RNF216: variants seen among roughly 807,000 people sequenced by gnomAD.
RNF216 encodes ring finger protein 216, also known as E3 ubiquitin-protein ligase RNF216.
RNF216 carries 72 observed loss-of-function variants against 110.8 expected under a neutral mutation model. That is an observed-to-expected ratio of 0.65 (90% CI 0.54 to 0.79). The LOEUF (loss-of-function observed/expected upper bound fraction) is 0.79. Among genes scored for constraint, RNF216 ranks in the 30% least tolerant of loss-of-function variants. RNF216 has a pLI of 0.00. For missense variants in RNF216, 1,342 were observed against 1,141.2 expected, an observed-to-expected ratio of 1.18 and a Z score of -2.54; for synonymous variants, 495 against 407.5, an observed-to-expected ratio of 1.21 and a Z score of -2.59.
chr7:5,736,465 C>T (rs547417182), intron 5 of RNF216, among the ~76,000 whole-genome samples: 5 of 152,312 alleles, frequency 3.3e-5, no homozygotes, highest in South Asian at 2.1e-4. Context: ...GATCTCGGCT[C>T]GCTACAACCT....
intron 3 of RNF216, among the ~76,000 whole-genome samples, chr7:5,745,180 G>A (rs1193710180): frequency 6.6e-6 from 1 of 151,956 alleles, no homozygotes; most frequent in Non-Finnish European, 1.5e-5. Flanking sequence ...ACAACCAAGG[G>A]GAGTCTTTTC....
intron 13 of RNF216, among the ~76,000 whole-genome samples, chr7:5,665,992 C>T (rs1389735560): frequency 5.9e-5 from 9 of 151,950 alleles, no homozygotes; most frequent in South Asian, 4.2e-4. Flanking sequence ...GGTGAAACCC[C>T]GTTTCTACTA....
intron 1 of RNF216, among the ~76,000 whole-genome samples, chr7:5,767,495 T>C (rs1488225535): frequency 6.6e-6 from 1 of 151,956 alleles, no homozygotes; most frequent in Non-Finnish European, 1.5e-5. Flanking sequence ...CCCCACCAAG[T>C]TGTTAACCTA....
chr7:5,766,194 G>A (rs1796199714), intron 1 of RNF216, among the ~76,000 whole-genome samples: 1 of 152,052 alleles, frequency 6.6e-6, no homozygotes, highest in Admixed American at 6.6e-5. Flanking sequence ...GGAGTCTGAA[G>A]CAGGAGGATC....
intron 6 of RNF216, among the ~76,000 whole-genome samples, chr7:5,730,358 T>C (rs937964127): frequency 6.6e-6 from 1 of 152,238 alleles, no homozygotes; most frequent in Non-Finnish European, 1.5e-5. Context: ...TCAATTTTTC[T>C]GTAGGTTTGA....
intron 3 of RNF216, among the ~76,000 whole-genome samples, chr7:5,751,827 T>TA (rs3075700): frequency 1.6e-4 from 6 of 37,296 alleles, no homozygotes; most frequent in Non-Finnish European, 1.7e-4. Context: ...ATCTTTAAAC[T>TA]AAAAAAAAAA....
intron 15 of RNF216, among the ~76,000 whole-genome samples, chr7:5,639,370 T>C (rs1457744718): frequency 6.6e-6 from 1 of 152,164 alleles, no homozygotes; most frequent in East Asian, 1.9e-4. Flanking sequence ...TGTTCATCTC[T>C]GTACTTACAC....
In RNF216 at chr7:5,741,676, C is replaced by T. The variant is rs770191039; in HGVS notation, c.341G>A (p.Cys114Tyr). 6 of 1,614,058 alleles carry T rather than the reference C, an allele frequency of 3.7e-6. No homozygotes were observed. The African/African-American group carries it at 5.3e-5, about 14-fold the overall frequency. ...ESDKSSYFSVCNNPLFDSGAQ... is the reference protein window; with the variant it reads ...ESDKSSYFSVYNNPLFDSGAQ... The stretch of plus-strand genomic sequence containing the variant: ...CCCAGAATCAAACAATGGGTTGTTA[C>T]ACACTGAAAAATAGCTGCTCTTATC... Residue 114 changes from cysteine (C) to tyrosine (Y), a missense_variant, in exon 4 of 17, where the codon TGT (cysteine) becomes TAT (tyrosine). Physicochemically the swap from Cys to Tyr is radical, Grantham distance 194. Coordinates refer to ENST00000389902, the MANE Select transcript of RNF216 (RefSeq NM_207111.4).
intron 3 of RNF216, among the ~76,000 whole-genome samples, chr7:5,750,526 C>T (rs4724721): frequency 0.98 from 149,090 of 152,362 alleles, 72,961 homozygotes; most frequent in Middle Eastern, 0.99. Flanking sequence ...GCACTGTTCA[C>T]TGAGTTTTTA....
chr7:5,761,243 A>G, intron 1 of RNF216, 105 bp from the exon 2 acceptor site: 1 of 467,430 alleles, frequency 2.1e-6, no homozygotes, highest in Admixed American at 4.4e-5. Flanking sequence ...AACATTCCTT[A>G]AGAAAACATA....
At chr7:5,694,905 G>A (rs1393480577) in intron 13 of RNF216, among the ~76,000 whole-genome samples, 3 of 152,166 alleles carry the variant, frequency 2.0e-5, no homozygotes, top group East Asian at 1.9e-4. Context: ...AAGGACCCAA[G>A]CATTTTATAG....
At chr7:5,638,094 C>T (rs779670847) in intron 15 of RNF216, among the ~76,000 whole-genome samples, 6 of 152,156 alleles carry the variant, frequency 3.9e-5, no homozygotes, top group Non-Finnish European at 8.8e-5. Flanking sequence ...TAGACCCAGA[C>T]GTCTGGATGC....
At chr7:5,678,424 A>C (rs2128603022) in intron 13 of RNF216, among the ~76,000 whole-genome samples, 1 of 151,882 alleles carries the variant, frequency 6.6e-6, no homozygotes, top group South Asian at 2.1e-4. Flanking sequence ...CTACGTTACC[A>C]CCTCCCCAAG....
At chr7:5,758,123 A>G (rs544409242) in intron 2 of RNF216, among the ~76,000 whole-genome samples, 10 of 152,386 alleles carry the variant, frequency 6.6e-5, no homozygotes, top group African/African-American at 2.4e-4. Context: ...TAATTTTCCA[A>G]AATGAATTAG....
At chr7:5,710,108 C>A (rs1226137646) in intron 13 of RNF216, among the ~76,000 whole-genome samples, 3 of 152,174 alleles carry the variant, frequency 2.0e-5, no homozygotes, top group African/African-American at 7.2e-5. Flanking sequence ...ACCTGTAATA[C>A]CAGCACTTTG....
chr7:5,695,755 C>T (rs61163807), intron 13 of RNF216, among the ~76,000 whole-genome samples: 1 of 152,200 alleles, frequency 6.6e-6, no homozygotes, highest in Middle Eastern at 3.2e-3. Context: ...AAAAGCAAAA[C>T]CCCTGGTCAA....
chr7:5,715,293 A>G, intron 10 of RNF216, 103 bp from the exon 11 acceptor site: 1 of 1,226,738 alleles, frequency 8.2e-7, no homozygotes, highest in Middle Eastern at 2.6e-4. Context: ...ACAAATTCTG[A>G]GGTAAAGCAA....
intron 13 of RNF216, among the ~76,000 whole-genome samples, chr7:5,699,018 AG>A (rs1418488037): frequency 1.3e-5 from 2 of 152,226 alleles, no homozygotes; most frequent in Non-Finnish European, 2.9e-5. Flanking sequence ...CACTGAAGAC[AG>A]CTAGAGTTTT....
chr7:5,712,639 C>T lies in RNF216; in HGVS notation c.1982+76G>A, dbSNP rs944787479. The T allele has an allele frequency of 5.0e-6, 7 of 1,401,740 alleles. No homozygotes were observed. In the East Asian group the frequency reaches 9.3e-5, roughly 19 times the overall value. The allele number at this position is 1,401,740 out of a possible 1,614,324, so 86.8% of individuals were successfully genotyped here. A position where few individuals can be genotyped will look rare whatever the true frequency, so the allele number is the denominator to read the frequency against. ...CCTGGAAGATAAACACAATTTTCAT[C>T]ATCTGATGCAAGTGCCCAGGTAGTT... On this transcript the variant is annotated intron_variant, in intron 12 of 16. Transcript: ENST00000389902.
Sources: allele counts gnomAD v4.1 joint callset (sites outside exome capture counted in the v4.1 genomes callset), GRCh38; gene constraint gnomAD v4.1.1; transcripts MANE v1.5; gene names NCBI Gene and HGNC (gene_info 2026-07-23, HGNC 2026-07-21).